Variants in CAST observed in about 807,000 individuals in gnomAD.
CAST encodes MIR583 host.
In CAST, 76 loss-of-function variants were observed where a neutral mutation model predicts 119.6. The observed-to-expected ratio is 0.64, with a 90% confidence interval of 0.53 to 0.77. The LOEUF (loss-of-function observed/expected upper bound fraction) is 0.77, where lower values mean the gene tolerates loss of function less well. Ranked by LOEUF, CAST falls within the 30% of genes least tolerant of loss-of-function variation. The pLI, the probability that CAST is intolerant of heterozygous loss-of-function variation, is 0.00. For synonymous variants in CAST, 319 were observed against 331.6 expected, an observed-to-expected ratio of 0.96 and a Z score of 0.41; for missense variants, 953 against 946.5, an observed-to-expected ratio of 1.01 and a Z score of -0.09.
At chr5:96,425,601 T>G in the CAST span, among the ~76,000 whole-genome samples, 1 of 152,176 alleles carries the variant, frequency 6.6e-6, no homozygotes, top group Admixed American at 6.6e-5. Context: ...TACAACCTAT[T>G]TTTTTCACAG....
chr5:96,638,815 C>G (rs1045283021), intron 1 of CAST, among the ~76,000 whole-genome samples: 1 of 152,208 alleles, frequency 6.6e-6, no homozygotes, highest in Non-Finnish European at 1.5e-5. Context: ...TCCAAGGATT[C>G]CTTTCTAAAT....
At chr5:96,212,687 T>G in the CAST span, among the ~76,000 whole-genome samples, 1 of 152,242 alleles carries the variant, frequency 6.6e-6, no homozygotes, top group East Asian at 1.9e-4. Flanking sequence ...TATTGAAGTT[T>G]ACAACTGTAA....
intron 2 of CAST, among the ~76,000 whole-genome samples, chr5:96,695,602 A>G (rs1261371187): frequency 6.6e-6 from 1 of 152,218 alleles, no homozygotes; most frequent in East Asian, 1.9e-4. Context: ...GCAGTTCTCC[A>G]AAATCACTGA....
rs181863838 is a variant in CAST, at chr5:96,572,281, A to G, written c.60+42401A>G. Among the ~76,000 whole-genome samples the G allele has an allele frequency of 3.2e-3, 492 of 152,054 alleles. 2 individuals carry two copies. The highest frequency in any genetic ancestry group is 0.01 in the Middle Eastern group (3 of 294). Reference sequence around the variant, plus strand: ...AGTGGCACGATCTCGGCTGACTGCAACCTCTGCCTCCTGGGTTCGAGCAAT... The same window carrying G: ...AGTGGCACGATCTCGGCTGACTGCAGCCTCTGCCTCCTGGGTTCGAGCAAT... On this transcript the variant is annotated intron_variant, in intron 1 of 11. Coordinates refer to the CAST transcript ENST00000505143.
At chr5:96,060,582 A>G in the CAST span, among the ~76,000 whole-genome samples, 3 of 151,986 alleles carry the variant, frequency 2.0e-5, no homozygotes, top group African/African-American at 7.2e-5. Flanking sequence ...ACTTGGGAAC[A>G]TTTCTTCTAC....
intron 3 of CAST, among the ~76,000 whole-genome samples, chr5:96,705,842 A>C (rs994011025): frequency 6.6e-6 from 1 of 152,216 alleles, no homozygotes; most frequent in Non-Finnish European, 1.5e-5. Context: ...CGTTTTACAG[A>C]TTAAGAAAAT....
chr5:96,517,539 G>T, the CAST span, among the ~76,000 whole-genome samples: 1 of 152,240 alleles, frequency 6.6e-6, no homozygotes, highest in African/African-American at 2.4e-5. Context: ...ATATAGAGGA[G>T]ATTTGGGAAG....
chr5:96,695,729 A>T (rs1753204644), intron 2 of CAST, 107 bp from the exon 3 acceptor site: 1 of 647,086 alleles, frequency 1.5e-6, no homozygotes, highest in African/African-American at 1.8e-5. Context: ...TTCAAATATT[A>T]GTCTGATTTT....
the CAST span, among the ~76,000 whole-genome samples, chr5:96,414,530 A>G: frequency 6.6e-6 from 1 of 152,202 alleles, no homozygotes; most frequent in African/African-American, 2.4e-5. Context: ...CTGACATACA[A>G]TAGGTGCCTA....
chr5:96,026,814 C>T, the CAST span, among the ~76,000 whole-genome samples: 5 of 152,204 alleles, frequency 3.3e-5, no homozygotes, highest in Non-Finnish European at 7.3e-5. Context: ...TAAATCAATT[C>T]ATGGTCTGGA....
chr5:96,043,104 T>C, the CAST span, among the ~76,000 whole-genome samples: 5 of 152,236 alleles, frequency 3.3e-5, no homozygotes, highest in Admixed American at 3.3e-4. Context: ...ATAGTATATC[T>C]GAAAATTTTG....
At chr5:96,041,633 T>C in the CAST span, among the ~76,000 whole-genome samples, 1 of 152,056 alleles carries the variant, frequency 6.6e-6, no homozygotes, top group Non-Finnish European at 1.5e-5. Context: ...AGATGATAAT[T>C]ATAGGAGAAA....
the CAST span, among the ~76,000 whole-genome samples, chr5:96,164,146 A>G: frequency 1.3e-5 from 2 of 152,220 alleles, no homozygotes; most frequent in Non-Finnish European, 2.9e-5. Flanking sequence ...TCTCTCTCAC[A>G]TACATATGTT....
the CAST span, among the ~76,000 whole-genome samples, chr5:96,042,792 TATTCTTAA>T: frequency 6.6e-6 from 1 of 152,150 alleles, no homozygotes. Context: ...CTCAGTTTCA[TATTCTTAA>T]AAAATAAAAT....
chr5:96,665,771 C>T (rs941376584), intron 1 of CAST, among the ~76,000 whole-genome samples: 1 of 151,684 alleles, frequency 6.6e-6, no homozygotes. Context: ...TATACATACA[C>T]ACATACAAAC....
chr5:96,753,932 ACT>A (rs1218719579), intron 20 of CAST, 126 bp from the exon 21 acceptor site: 1 of 620,000 alleles, frequency 1.6e-6, no homozygotes, highest in African/African-American at 1.8e-5. Flanking sequence ...TCAGTTGATA[ACT>A]CGAGTTATTA....
At chr5:96,102,545 T>C in the CAST span, among the ~76,000 whole-genome samples, 1 of 152,146 alleles carries the variant, frequency 6.6e-6, no homozygotes, top group Non-Finnish European at 1.5e-5. Flanking sequence ...AAATTCTCAC[T>C]TTGGGCCGTG....
At chr5:96,334,512 G>C in the CAST span, among the ~76,000 whole-genome samples, 1 of 152,298 alleles carries the variant, frequency 6.6e-6, no homozygotes, top group East Asian at 1.9e-4. Flanking sequence ...TGTATTGGAA[G>C]GGCCTGGTTT....
the CAST span, among the ~76,000 whole-genome samples, chr5:96,144,714 G>A: frequency 1.3e-5 from 2 of 150,674 alleles, no homozygotes; most frequent in Non-Finnish European, 2.9e-5. Flanking sequence ...TGTCACCAAG[G>A]TGTAGTGCAG....
Sources: gnomAD v4.1 joint callset for allele counts (sites outside exome capture counted in the v4.1 genomes callset) on GRCh38, gnomAD v4.1.1 for gene constraint, MANE v1.5 for transcripts, NCBI Gene and HGNC (gene_info 2026-07-23, HGNC 2026-07-21) for gene names.